The following COL26A1 variants were observed in gnomAD, a reference collection of about 807,000 sequenced individuals.
The protein encoded by COL26A1 is collagen alpha-1(XXVI) chain.
Under a neutral mutation model 59.3 loss-of-function variants are expected in COL26A1, and 41 were observed. The ratio of observed to expected loss-of-function variants is 0.69; its 90% CI spans 0.54 to 0.90. The LOEUF (loss-of-function observed/expected upper bound fraction) is 0.90, where lower values mean the gene tolerates loss of function less well. Among genes scored for constraint, COL26A1 ranks in the 40% least tolerant of loss-of-function variants. The pLI is 0.00. For synonymous variants in COL26A1, 266 were observed against 256.0 expected (o/e 1.04, Z -0.37); for missense variants, 612 against 602.3 (o/e 1.02, Z -0.17).
chr7:101,466,795 GGTGTGTGT>G (rs59942660), intron 3 of COL26A1, among the ~76,000 whole-genome samples: 73 of 125,242 alleles, frequency 5.8e-4, no homozygotes, highest in African/African-American at 1.7e-3. Context: ...GGCATGTTCT[GGTGTGTGT>G]GTGTGTGTGT....
chr7:101,557,244 C>A, intron 12 of COL26A1, 126 bp from the exon 13 acceptor site: 1 of 893,924 alleles, frequency 1.1e-6, no homozygotes, highest in Non-Finnish European at 1.7e-6. Context: ...GGGCTGAAAG[C>A]CTGCTGCTGC....
rs1035667404 is a variant in COL26A1, at chr7:101,371,622, C to CA, written c.158+8442dup. Among the ~76,000 whole-genome samples, 333 of 144,806 alleles carry CA rather than the reference C, an allele frequency of 2.3e-3. 1 individual carries two copies. Among genetic ancestry groups the CA allele is most frequent in the African/African-American group, 6.2e-3 (244 of 39,140 alleles). 95.0% of individuals were successfully genotyped at this position (144,806 alleles called of 152,430 possible). A position where few individuals can be genotyped will look rare whatever the true frequency, so the allele number is the denominator to read the frequency against. On this transcript the variant is annotated intron_variant, in intron 1 of 12. Transcript: ENST00000313669. ...GAAATATAGTCAGACCCTGTCTTTG[C>CA]AAAAAAAAAACTTTAAAAAATTAGT... is the stretch of plus-strand genomic sequence containing the variant.
intron 1 of COL26A1, among the ~76,000 whole-genome samples, chr7:101,412,235 C>T (rs1380855944): frequency 6.6e-6 from 1 of 152,118 alleles, no homozygotes; most frequent in Non-Finnish European, 1.5e-5. Context: ...TGTCAGTTTC[C>T]CATTGCCATG....
intron 3 of COL26A1, among the ~76,000 whole-genome samples, chr7:101,479,370 C>A (rs115081422): frequency 7.9e-5 from 12 of 152,138 alleles, no homozygotes; most frequent in African/African-American, 2.7e-4. Context: ...CTTTAGACAT[C>A]GCTCTTGAAT....
intron 1 of COL26A1, among the ~76,000 whole-genome samples, chr7:101,381,519 C>T (rs1248070740): frequency 6.6e-6 from 1 of 152,152 alleles, no homozygotes; most frequent in Non-Finnish European, 1.5e-5. Flanking sequence ...GCTCATGGCT[C>T]TGGAGGCTGG....
At chr7:101,524,571 G>A (rs1795202658) in intron 3 of COL26A1, among the ~76,000 whole-genome samples, 1 of 152,022 alleles carries the variant, frequency 6.6e-6, no homozygotes, top group Admixed American at 6.6e-5. Flanking sequence ...TTATAATATT[G>A]AGTCTTCCAA....
chr7:101,407,262 C>A (rs1231042202), intron 1 of COL26A1, among the ~76,000 whole-genome samples: 1 of 152,192 alleles, frequency 6.6e-6, no homozygotes, highest in South Asian at 2.1e-4. Flanking sequence ...TGGTCCAACT[C>A]CCCTACAGGA....
At chr7:101,441,626 C>T (rs1157671026) in intron 2 of COL26A1, among the ~76,000 whole-genome samples, 1 of 152,118 alleles carries the variant, frequency 6.6e-6, no homozygotes, top group Non-Finnish European at 1.5e-5. Context: ...CCTATCATAC[C>T]TACTTTTATT....
chr7:101,473,602 T>C (rs1398004335), intron 3 of COL26A1, among the ~76,000 whole-genome samples: 2 of 137,584 alleles, frequency 1.5e-5, no homozygotes, highest in African/African-American at 2.8e-5. Context: ...GAGCAACACC[T>C]TGTCTCCACA....
intron 3 of COL26A1, among the ~76,000 whole-genome samples, chr7:101,501,225 A>G (rs1267904593): frequency 2.0e-5 from 3 of 151,564 alleles, no homozygotes; most frequent in South Asian, 2.1e-4. Flanking sequence ...AAGAAAAAAA[A>G]AAAAAAAAGA....
At chr7:101,474,043 C>T (rs1291671719) in intron 3 of COL26A1, among the ~76,000 whole-genome samples, 1 of 152,170 alleles carries the variant, frequency 6.6e-6, no homozygotes, top group Non-Finnish European at 1.5e-5. Flanking sequence ...AGGTCCAATG[C>T]CAGCCTGTGA....
chr7:101,378,187 C>T (rs1360338285), intron 1 of COL26A1, among the ~76,000 whole-genome samples: 1 of 152,094 alleles, frequency 6.6e-6, no homozygotes, highest in African/African-American at 2.4e-5. Flanking sequence ...CGAGACCAGC[C>T]TGGTCAACAT....
intron 1 of COL26A1, among the ~76,000 whole-genome samples, chr7:101,406,299 C>G (rs527644988): frequency 6.6e-6 from 1 of 152,188 alleles, no homozygotes; most frequent in Non-Finnish European, 1.5e-5. Flanking sequence ...TCCAAACACT[C>G]CTACTGTTTT....
chr7:101,546,373 C>G (rs988216882), intron 7 of COL26A1, among the ~76,000 whole-genome samples: 1 of 151,856 alleles, frequency 6.6e-6, no homozygotes, highest in Admixed American at 6.6e-5. Flanking sequence ...TAGCTAGGAC[C>G]CTAGGCATGT....
chr7:101,432,486 G>A (rs887862722), intron 2 of COL26A1, among the ~76,000 whole-genome samples: 1 of 152,094 alleles, frequency 6.6e-6, no homozygotes, highest in Non-Finnish European at 1.5e-5. Flanking sequence ...TTGGCTGGCA[G>A]GGCATGCCAT....
At chr7:101,465,078 C>A (rs1004621104) in intron 3 of COL26A1, among the ~76,000 whole-genome samples, 21 of 147,258 alleles carry the variant, frequency 1.4e-4, no homozygotes, top group Admixed American at 1.2e-3. Flanking sequence ...CATTCTGTTG[C>A]CCAGGCTGGA....
At chr7:101,425,259 C>A (rs1183813272) in intron 2 of COL26A1, among the ~76,000 whole-genome samples, 1 of 147,620 alleles carries the variant, frequency 6.8e-6, no homozygotes, top group Non-Finnish European at 1.5e-5. Context: ...GTGGCGGGTG[C>A]CTCTAATCCC....
chr7:101,390,606 T>G (rs1320285222), intron 1 of COL26A1, among the ~76,000 whole-genome samples: 1 of 152,018 alleles, frequency 6.6e-6, no homozygotes, highest in Non-Finnish European at 1.5e-5. Flanking sequence ...TTAAATTTTT[T>G]GAGAAATGGG....
intron 3 of COL26A1, among the ~76,000 whole-genome samples, chr7:101,489,825 T>C (rs1297490666): frequency 5.1e-4 from 5 of 9,784 alleles, no homozygotes; most frequent in Admixed American, 1.1e-3. Flanking sequence ...TTTCTTTCTT[T>C]CTTTCTTTCT....
Sources: gnomAD v4.1 joint callset for allele counts (sites outside exome capture counted in the v4.1 genomes callset) on GRCh38, gnomAD v4.1.1 for gene constraint, MANE v1.5 for transcripts, NCBI Gene and HGNC (gene_info 2026-07-23, HGNC 2026-07-21) for gene names.